Variants in ZNF521 observed in about 807,000 individuals in gnomAD.
ZNF521 encodes zinc finger protein 521, also known as LYST-interacting protein 3.
In ZNF521, 14 loss-of-function variants were observed where a neutral mutation model predicts 105.5. That is an observed-to-expected ratio of 0.13 (90% confidence interval 0.09 to 0.21). The LOEUF (loss-of-function observed/expected upper bound fraction) is 0.21, where lower values mean the gene tolerates loss of function less well. ZNF521 is among the 10% of genes least tolerant of loss of function. The pLI is 1.00. For synonymous variants in ZNF521, 635 were observed against 606.0 expected (o/e 1.05, Z -0.70); for missense variants, 1,233 against 1,629.7 (o/e 0.76, Z 4.19).
At chr18:25,232,394 C>T (rs1325522304) in intron 3 of ZNF521, among the ~76,000 whole-genome samples, 1 of 152,160 alleles carries the variant, frequency 6.6e-6, no homozygotes, top group African/African-American at 2.4e-5. Context: ...ATATGTGTTG[C>T]ATGTATTTCT....
intron 3 of ZNF521, among the ~76,000 whole-genome samples, chr18:25,259,790 C>T (rs1026461415): frequency 6.6e-6 from 1 of 152,102 alleles, no homozygotes; most frequent in Non-Finnish European, 1.5e-5. Flanking sequence ...AGAATGTGGT[C>T]GTGGACGCAC....
intron 3 of ZNF521, among the ~76,000 whole-genome samples, chr18:25,285,716 A>T (rs1242294250): frequency 2.0e-5 from 3 of 152,040 alleles, no homozygotes; most frequent in African/African-American, 7.2e-5. Flanking sequence ...ACACACACAC[A>T]CACACACACA....
chr18:25,157,273 T>C (rs2035163961), intron 5 of ZNF521, among the ~76,000 whole-genome samples: 1 of 152,156 alleles, frequency 6.6e-6, no homozygotes, highest in South Asian at 2.1e-4. Flanking sequence ...TGACAGATTG[T>C]TGCTACATAT....
intron 3 of ZNF521, among the ~76,000 whole-genome samples, chr18:25,313,706 A>T (rs768292363): frequency 6.6e-6 from 1 of 152,184 alleles, no homozygotes; most frequent in African/African-American, 2.4e-5. Context: ...ATCTTTACCT[A>T]ATTTTTTAAT....
Position 25,098,138 on chromosome 18 carries a change from A to C in ZNF521, c.3659-6057T>G, listed in dbSNP as rs527850693. ...TTATAGGTTGTGTGAAGTACTTATT[A>C]GAATATTCTCATGTAGGAGAAAACA... On this transcript the variant is annotated intron_variant, in intron 5 of 7. Coordinates refer to ENST00000361524, the MANE Select transcript of ZNF521 (RefSeq NM_015461.3). Among the ~76,000 whole-genome samples the C allele has an allele frequency of 2.1e-3, 315 of 152,312 alleles. 3 individuals are homozygous for C. Among genetic ancestry groups the C allele is most frequent in the African/African-American group, 7.3e-3 (305 of 41,578 alleles).
intron 4 of ZNF521, among the ~76,000 whole-genome samples, chr18:25,208,740 C>T (rs542579923): frequency 4.6e-5 from 7 of 152,190 alleles, no homozygotes; most frequent in Non-Finnish European, 8.8e-5. Flanking sequence ...ACTTGTTACA[C>T]TGTTTAGATT....
chr18:25,351,982 T>A (rs1388035820), intron 1 of ZNF521, 23 bp downstream of exon 1: 2 of 422,854 alleles, frequency 4.7e-6, no homozygotes, highest in South Asian at 3.4e-5. Context: ...GAGTGTGCTG[T>A]GTGCTCCCTC....
chr18:25,069,493 G>A lies in ZNF521; in HGVS notation c.3907-6752C>T, dbSNP rs190620511. On this transcript the variant is annotated intron_variant, in intron 7 of 7. Transcript: ENST00000361524. Reference sequence around the variant, plus strand: ...TTAGGAATTTTCTAAAAATTACACTGAAGACCAAAATCACCCTCAAGTACC... The same window carrying A: ...TTAGGAATTTTCTAAAAATTACACTAAAGACCAAAATCACCCTCAAGTACC... Among the ~76,000 whole-genome samples the A allele has an allele frequency of 1.8e-4, 28 of 152,206 alleles. No individual in the cohort carries two copies. In the East Asian group the frequency reaches 5.4e-3, roughly 29 times the overall value.
intron 5 of ZNF521, among the ~76,000 whole-genome samples, chr18:25,150,756 C>A (rs187353988): frequency 2.6e-5 from 4 of 152,130 alleles, no homozygotes; most frequent in Admixed American, 1.3e-4. Context: ...TCCATTTCTT[C>A]TCCATTTCCA....
At chr18:25,322,975 T>A (rs1007058634) in intron 2 of ZNF521, among the ~76,000 whole-genome samples, 1 of 151,820 alleles carries the variant, frequency 6.6e-6, no homozygotes, top group African/African-American at 2.4e-5. Flanking sequence ...CAGGGAGAGA[T>A]GTGGGGGTGC....
At chr18:25,328,848 G>C (rs972617083) in intron 2 of ZNF521, among the ~76,000 whole-genome samples, 3 of 152,178 alleles carry the variant, frequency 2.0e-5, no homozygotes, top group African/African-American at 7.2e-5. Flanking sequence ...CATCGCGCTG[G>C]CCTATTCCCC....
At chr18:25,250,562 T>C (rs946551044) in intron 3 of ZNF521, among the ~76,000 whole-genome samples, 7 of 152,250 alleles carry the variant, frequency 4.6e-5, no homozygotes, top group Non-Finnish European at 1.0e-4. Flanking sequence ...CTTTCACCTA[T>C]TGGCCTTAGA....
At chr18:25,269,598 C>A (rs1909505797) in intron 3 of ZNF521, among the ~76,000 whole-genome samples, 1 of 152,156 alleles carries the variant, frequency 6.6e-6, no homozygotes, top group South Asian at 2.1e-4. Flanking sequence ...GTCTCTCAGA[C>A]CACAGTGCAA....
At chr18:25,121,544 C>T (rs924484659) in intron 5 of ZNF521, among the ~76,000 whole-genome samples, 2 of 151,986 alleles carry the variant, frequency 1.3e-5, no homozygotes, top group Non-Finnish European at 2.9e-5. Flanking sequence ...AGCCACAGCA[C>T]CCAGCCAGAA....
At chr18:25,151,483 T>C (rs182388967) in intron 5 of ZNF521, among the ~76,000 whole-genome samples, 6 of 152,320 alleles carry the variant, frequency 3.9e-5, no homozygotes, top group Admixed American at 2.6e-4. Context: ...CCCAATGATA[T>C]GTTGAGTGAA....
intron 2 of ZNF521, chr18:25,327,552 T>C (rs1233627034): frequency 1.3e-5 from 9 of 696,956 alleles, no homozygotes; most frequent in Non-Finnish European, 2.0e-5. Context: ...ATGTTTATAC[T>C]TTTTAAGAAC....
In ZNF521 at chr18:25,333,907, A is replaced by G. The variant is rs536984581; in HGVS notation, c.41-11720T>C. On this transcript the variant is annotated intron_variant, in intron 2 of 7. Coordinates refer to ENST00000361524, the MANE Select transcript of ZNF521 (RefSeq NM_015461.3). ...CACTGCTATAGTCTTTGCAGGCACA[A>G]CCATCACTCACTTCTTCCCAGAAGT... Among the ~76,000 whole-genome samples the G allele has an allele frequency of 5.4e-4, 83 of 152,326 alleles. 1 individual carries two copies. Among genetic ancestry groups the G allele is most frequent in the Middle Eastern group, 3.4e-3 (1 of 294 alleles).
At chr18:25,180,577 G>A (rs1314630729) in intron 5 of ZNF521, among the ~76,000 whole-genome samples, 1 of 151,434 alleles carries the variant, frequency 6.6e-6, no homozygotes, top group Non-Finnish European at 1.5e-5. Flanking sequence ...TCTATCATAA[G>A]TGCAGAGAAC....
In ZNF521 at chr18:25,227,050, A is replaced by T. The variant is rs1906200574; in HGVS notation, c.868T>A (p.Phe290Ile). 6.2e-7 allele frequency: 1 copy of T among 1,614,052 alleles called. No homozygotes were observed. Among genetic ancestry groups the T allele is most frequent in the Non-Finnish European group, 8.5e-7 (1 of 1,179,968 alleles). ...ALQCVYCHEL[F>I]VEETSLMNHM... ...TTCATGAGGGAGGTCTCCTCTACGA[A>T]GAGCTCGTGGCAGTAGACACACTGG... Residue 290 changes from phenylalanine (F) to isoleucine (I), a missense_variant, in exon 4 of 8, where the codon TTC (phenylalanine) becomes ATC (isoleucine). This residue lies in a region of ZNF521 where 380 missense variants were observed against 478.0 expected (regional missense o/e 0.80). Transcript: ENST00000361524. The surrounding 1 kb of genome is among the most constrained non-coding windows in gnomAD (Gnocchi z 5.7).
Sources: gnomAD v4.1 joint callset for allele counts (sites outside exome capture counted in the v4.1 genomes callset) on GRCh38, gnomAD v4.1.1 for gene constraint, gnomAD v4.1.1 regional missense constraint, Gnocchi (gnomAD v3.1) non-coding constraint, MANE v1.5 for transcripts, NCBI Gene and HGNC (gene_info 2026-07-23, HGNC 2026-07-21) for gene names.